The following MIPEP variants were observed in gnomAD, a reference collection of about 807,000 sequenced individuals.
MIPEP encodes mitochondrial intermediate peptidase.
MIPEP carries 79 observed loss-of-function variants against 90.3 expected under a neutral mutation model. The observed-to-expected ratio is 0.87, with a 90% CI of 0.73 to 1.05. MIPEP has a LOEUF of 1.05. Among genes scored for constraint, MIPEP ranks in the 50% least tolerant of loss-of-function variants. The pLI, the probability that MIPEP is intolerant of heterozygous loss-of-function variation, is 0.00. For synonymous variants in MIPEP, 334 were observed against 315.8 expected (o/e 1.06, Z -0.61); for missense variants, 940 against 905.6 (o/e 1.04, Z -0.49).
At chr13:23,823,446 T>C (rs573322445) in intron 14 of MIPEP, among the ~76,000 whole-genome samples, 1 of 152,314 alleles carries the variant, frequency 6.6e-6, no homozygotes, top group East Asian at 1.9e-4. Flanking sequence ...CTGTCACAGC[T>C]TGGGTGACCA....
At chr13:23,802,914 T>C (rs76756608) in intron 16 of MIPEP, among the ~76,000 whole-genome samples, 2,792 of 152,300 alleles carry the variant, frequency 0.018, 93 homozygotes, top group African/African-American at 0.064. Flanking sequence ...ACATTTAAGG[T>C]AGGCTAGGCT....
At chr13:23,877,365 C>T (rs1384530139) in intron 4 of MIPEP, among the ~76,000 whole-genome samples, 1 of 152,134 alleles carries the variant, frequency 6.6e-6, no homozygotes, top group Non-Finnish European at 1.5e-5. Flanking sequence ...AAGTTCATTC[C>T]AACGTGTGTT....
chr13:23,889,317 G>T lies in MIPEP; in HGVS notation c.4C>A (p.Leu2Met). 1 of 1,346,032 alleles carries T rather than the reference G, an allele frequency of 7.4e-7. No individual in the cohort carries two copies. The allele number at this position is 1,346,032 out of a possible 1,614,324, so 83.4% of individuals were successfully genotyped here. A position where few individuals can be genotyped will look rare whatever the true frequency, so the allele number is the denominator to read the frequency against. Residue 2 changes from leucine (L) to methionine (M), a missense_variant, in exon 1 of 19, where the codon CTG (leucine) becomes ATG (methionine). Coordinates refer to ENST00000382172, the MANE Select transcript of MIPEP (RefSeq NM_005932.4). Reference sequence around the variant, plus strand: ...AAGCCGCCCAGCCTTCCGACGCACAGCATTCTAGCACCAGAGCAGTCCCTT... The same window carrying T: ...AAGCCGCCCAGCCTTCCGACGCACATCATTCTAGCACCAGAGCAGTCCCTT... M[L>M]CVGRLGGLGA...
chr13:23,837,670 G>A lies in MIPEP; in HGVS notation c.1425C>T (p.Pro475=), dbSNP rs778711223. 1.9e-6 allele frequency: 3 copies of A among 1,613,920 alleles called. No homozygotes were observed. Among genetic ancestry groups the A allele is most frequent in the Admixed American group, 3.3e-5 (2 of 60,008 alleles). ...AAGTTGGAGAACTCCTTGAGGAACG[G>A]GGAAGATTCAGCATAAGAACTACAA... ...LPVVVLMLNL[P]RSSRSSPTLL... is the part of the protein sequence containing the mutation. Residue 475 remains proline (P), a synonymous_variant, in exon 13 of 19, where the codon CCC becomes CCT. Coordinates refer to ENST00000382172, the MANE Select transcript of MIPEP (RefSeq NM_005932.4).
At chr13:23,759,756 G>A (rs1262970476) in intron 17 of MIPEP, among the ~76,000 whole-genome samples, 3 of 152,152 alleles carry the variant, frequency 2.0e-5, no homozygotes, top group African/African-American at 7.2e-5. Flanking sequence ...GTATCACGTG[G>A]TGAGGTCAGA....
intron 15 of MIPEP, among the ~76,000 whole-genome samples, chr13:23,806,707 A>AC (rs1171170188): frequency 5.0e-5 from 7 of 140,788 alleles, no homozygotes; most frequent in African/African-American, 1.6e-4. Context: ...AACAACAACA[A>AC]AAAAATCTAT....
chr13:23,857,256 C>T lies in MIPEP; in HGVS notation c.1106+1604G>A, dbSNP rs79153407. 2.4e-3 allele frequency among the ~76,000 whole-genome samples: 366 copies of T among 152,208 alleles called. 1 individual carries two copies. The highest frequency in any genetic ancestry group is 8.2e-3 in the African/African-American group (340 of 41,524). ...GTAAAACAAATATATTCTAAACCCT[C>T]GTTGTTTACCATAACCAAATTATTA... On this transcript the variant is annotated intron_variant, in intron 10 of 18. Coordinates refer to ENST00000382172, the MANE Select transcript of MIPEP (RefSeq NM_005932.4).
intron 12 of MIPEP, among the ~76,000 whole-genome samples, chr13:23,838,939 G>A (rs1290498535): frequency 6.6e-6 from 1 of 152,228 alleles, no homozygotes; most frequent in East Asian, 1.9e-4. Flanking sequence ...GCTCACATCT[G>A]TTAAAATCTG....
chr13:23,883,296 T>C (rs1179357699), intron 2 of MIPEP, among the ~76,000 whole-genome samples: 6 of 152,120 alleles, frequency 3.9e-5, no homozygotes, highest in South Asian at 4.1e-4. Flanking sequence ...GCAGAGAAGT[T>C]AAAATCTTTT....
At chr13:23,780,909 G>A (rs1474232594) in intron 16 of MIPEP, among the ~76,000 whole-genome samples, 1 of 152,170 alleles carries the variant, frequency 6.6e-6, no homozygotes, top group African/African-American at 2.4e-5. Flanking sequence ...AGAAAAAAAA[G>A]GGTAAAAAGA....
chr13:23,755,891 T>G (rs1952486264), intron 18 of MIPEP, among the ~76,000 whole-genome samples: 1 of 150,664 alleles, frequency 6.6e-6, no homozygotes, highest in Non-Finnish European at 1.5e-5. Context: ...GAAAAAGAAA[T>G]AAAGGAATAA....
chr13:23,869,508 A>G lies in MIPEP; in HGVS notation c.787-60T>C, dbSNP rs1870689430. 2.2e-5 allele frequency: 32 copies of G among 1,428,372 alleles called. 1 individual carries two copies. Among genetic ancestry groups the G allele is most frequent in the Non-Finnish European group, 2.9e-5 (31 of 1,064,058 alleles). The allele number at this position is 1,428,372 out of a possible 1,614,324, so 88.5% of individuals were successfully genotyped here. ...TATCATCACACAGTCCTATGCAACA[A>G]TAACACAGGCTCATGCTCACCACTT... On this transcript the variant is annotated intron_variant, in intron 6 of 18. Coordinates refer to ENST00000382172, the MANE Select transcript of MIPEP (RefSeq NM_005932.4).
intron 4 of MIPEP, among the ~76,000 whole-genome samples, chr13:23,876,827 A>C (rs1414224127): frequency 1.3e-5 from 2 of 152,182 alleles, no homozygotes; most frequent in Non-Finnish European, 2.9e-5. Context: ...GATTACCAGT[A>C]GTTTTATAAT....
chr13:23,829,216 T>C (rs528740276), intron 14 of MIPEP, among the ~76,000 whole-genome samples: 2 of 152,248 alleles, frequency 1.3e-5, no homozygotes, highest in African/African-American at 4.8e-5. Flanking sequence ...TTAAAATGTT[T>C]AGAAGAAAAC....
chr13:23,745,676 C>T (rs981420720), intron 18 of MIPEP, among the ~76,000 whole-genome samples: 1 of 152,130 alleles, frequency 6.6e-6, no homozygotes, highest in Non-Finnish European at 1.5e-5. Flanking sequence ...GTCTGTAACA[C>T]TGGCACTCTG....
intron 3 of MIPEP, among the ~76,000 whole-genome samples, chr13:23,879,719 T>G (rs1375127375): frequency 2.0e-5 from 3 of 152,184 alleles, no homozygotes; most frequent in Middle Eastern, 3.4e-3. Flanking sequence ...TTAAAAACAC[T>G]GTAAGGGAGA....
At chr13:23,871,559 A>G (rs1490652456) in intron 5 of MIPEP, among the ~76,000 whole-genome samples, 2 of 152,196 alleles carry the variant, frequency 1.3e-5, no homozygotes, top group African/African-American at 4.8e-5. Flanking sequence ...TTTCTGGGAG[A>G]GGAGATAGCA....
intron 18 of MIPEP, among the ~76,000 whole-genome samples, chr13:23,745,879 G>A (rs1241491099): frequency 1.3e-5 from 2 of 151,882 alleles, no homozygotes; most frequent in South Asian, 2.1e-4. Flanking sequence ...GCAGTGAGCC[G>A]AGATTGTGCC....
At chr13:23,756,658 A>G (rs745859174) in intron 17 of MIPEP, 40 bp from the exon 18 acceptor site, 1 of 1,583,070 alleles carries the variant, frequency 6.3e-7, no homozygotes, top group South Asian at 1.1e-5. Context: ...CTGCTTGCAC[A>G]GCCTCCATTC....
Sources: gnomAD v4.1 joint callset for allele counts (sites outside exome capture counted in the v4.1 genomes callset) on GRCh38, gnomAD v4.1.1 for gene constraint, MANE v1.5 for transcripts, NCBI Gene and HGNC (gene_info 2026-07-23, HGNC 2026-07-21) for gene names.